Variants in NIBAN1 observed in about 807,000 individuals in gnomAD.
NIBAN1 encodes the protein niban apoptosis regulator 1, also known as protein Niban 1.
A neutral mutation model predicts 75.1 loss-of-function variants in NIBAN1; 81 were observed. The ratio of observed to expected loss-of-function variants is 1.08; its 90% CI spans 0.90 to 1.30. The LOEUF (loss-of-function observed/expected upper bound fraction) is 1.30. Ranked by LOEUF, NIBAN1 falls within the 50% of genes most tolerant of loss-of-function variation. The probability of loss-of-function intolerance (pLI) is 0.00; values close to 1 mark genes in which losing one functional copy is unlikely to be tolerated. For synonymous variants in NIBAN1, 436 were observed against 424.8 expected, an observed-to-expected ratio of 1.03 and a Z score of -0.32; for missense variants, 1,133 against 1,128.1, an observed-to-expected ratio of 1.00 and a Z score of -0.06.
At chr1:184,944,583 G>T (rs1658177634) in intron 1 of NIBAN1, among the ~76,000 whole-genome samples, 1 of 152,232 alleles carries the variant, frequency 6.6e-6, no homozygotes, top group African/African-American at 2.4e-5. Flanking sequence ...ATGTCATGAG[G>T]ACAAGAACAT....
chr1:184,928,589 C>T (rs761314655), intron 1 of NIBAN1, among the ~76,000 whole-genome samples: 1 of 152,158 alleles, frequency 6.6e-6, no homozygotes, highest in Admixed American at 6.5e-5. Context: ...TTCTTCCTGG[C>T]ATTGCTTTCC....
At position 184,974,379 on chromosome 1, in the gene NIBAN1, G is replaced by T. The variant is rs773920528; in HGVS notation, c.-23C>A. 210 of 1,546,336 alleles carry T rather than the reference G, an allele frequency of 1.4e-4. No individual in the cohort carries two copies. The highest frequency in any genetic ancestry group is 1.8e-4 in the Non-Finnish European group (204 of 1,152,190). ...CATGACCGCGAGCTGCCTGTGCTGA[G>T]CGCGGAAACTGCCCGGTCCGCGCCC... On this transcript the variant is annotated 5_prime_UTR_variant, in exon 1 of 14. Coordinates refer to ENST00000367511, the MANE Select transcript of NIBAN1 (RefSeq NM_052966.4).
chr1:184,913,476 A>G (rs967532563), intron 1 of NIBAN1, among the ~76,000 whole-genome samples: 2 of 152,206 alleles, frequency 1.3e-5, no homozygotes, highest in South Asian at 2.1e-4. Flanking sequence ...TGAAACTATT[A>G]TGGGTTAACA....
chr1:184,907,721 T>C (rs984305624), intron 1 of NIBAN1, among the ~76,000 whole-genome samples: 2 of 152,214 alleles, frequency 1.3e-5, no homozygotes, highest in East Asian at 1.9e-4. Flanking sequence ...CGGGGATAAA[T>C]TGGATTCTCC....
intron 1 of NIBAN1, among the ~76,000 whole-genome samples, chr1:184,903,439 G>A (rs533590102): frequency 6.6e-6 from 1 of 152,300 alleles, no homozygotes; most frequent in South Asian, 2.1e-4. Context: ...AATGTTGGAG[G>A]TGTGGCCTGG....
chr1:184,868,231 G>A (rs1017804370), intron 5 of NIBAN1: 1 of 197,938 alleles, frequency 5.1e-6, no homozygotes, highest in African/African-American at 2.4e-5. Flanking sequence ...ATGATTTGTG[G>A]TCTCCAAAAG....
intron 1 of NIBAN1, among the ~76,000 whole-genome samples, chr1:184,961,668 C>G (rs1658653808): frequency 6.6e-6 from 1 of 152,198 alleles, no homozygotes; most frequent in South Asian, 2.1e-4. Context: ...AACCCCAGTT[C>G]AGGGGTGAAT....
At position 184,884,668 on chromosome 1, in the gene NIBAN1, G is replaced by C; in HGVS notation, c.566C>G (p.Ala189Gly). The C allele has an allele frequency of 6.2e-7, 1 of 1,614,162 alleles. No individual in the cohort carries two copies. The highest frequency in any genetic ancestry group is 1.6e-4 in the Middle Eastern group (1 of 6,062). ...ATGCCTGACGCAGTCACTCAGGAGGGCACTAAACCTCTTCTGGTCAGCAGC... is the reference window on the plus strand; with the variant it reads ...ATGCCTGACGCAGTCACTCAGGAGGCCACTAAACCTCTTCTGGTCAGCAGC... The part of the protein sequence containing the change: ...HEAADQKRFS[A>G]LLSDCVRHLN... The change falls in exon 5 of 14, where the codon GCC (alanine) becomes GGC (glycine). Residue 189 changes from alanine to glycine, a missense_variant. By Grantham distance (60) the Ala-to-Gly change is moderately conservative. Coordinates refer to ENST00000367511, the MANE Select transcript of NIBAN1 (RefSeq NM_052966.4).
chr1:184,895,226 G>A (rs1361730596), intron 2 of NIBAN1, among the ~76,000 whole-genome samples: 1 of 152,132 alleles, frequency 6.6e-6, no homozygotes, highest in African/African-American at 2.4e-5. Flanking sequence ...TAAAAGGTAA[G>A]AGAGAATCTC....
chr1:184,944,549 G>T (rs766157599), intron 1 of NIBAN1, among the ~76,000 whole-genome samples: 3 of 152,278 alleles, frequency 2.0e-5, no homozygotes, highest in African/African-American at 4.8e-5. Context: ...ATGCAGGAAT[G>T]GACTTTGGGT....
chr1:184,823,634 T>C lies in NIBAN1; in HGVS notation c.822+4A>G, dbSNP rs1424664658. ...CTCAGTTGTAGAGCAAAACCATTGC[T>C]TACACCAAGCCACGTCCTCTTTCTG... On this transcript the variant is annotated splice_donor_region_variant and intron_variant, in intron 7 of 13. Coordinates refer to ENST00000367511, the MANE Select transcript of NIBAN1 (RefSeq NM_052966.4). The C allele has an allele frequency of 6.2e-7, 1 of 1,614,076 alleles. No individual in the cohort carries two copies. Among genetic ancestry groups the C allele is most frequent in the Non-Finnish European group, 8.5e-7 (1 of 1,179,924 alleles).
chr1:184,894,636 G>A (rs1656752242), intron 2 of NIBAN1, among the ~76,000 whole-genome samples: 2 of 152,214 alleles, frequency 1.3e-5, no homozygotes, highest in Admixed American at 6.5e-5. Flanking sequence ...AGAATTAACA[G>A]ACCGTTCCCC....
chr1:184,875,353 T>C (rs1656204189), intron 5 of NIBAN1, among the ~76,000 whole-genome samples: 1 of 152,214 alleles, frequency 6.6e-6, no homozygotes, highest in Non-Finnish European at 1.5e-5. Context: ...AGTTCTGGCT[T>C]GAGGTCTCTC....
At chr1:184,960,014 AT>A (rs1205479208) in intron 1 of NIBAN1, among the ~76,000 whole-genome samples, 2 of 151,890 alleles carry the variant, frequency 1.3e-5, no homozygotes, top group Admixed American at 1.3e-4. Flanking sequence ...TGACCCTTTA[AT>A]TTTTTTTATA....
At chr1:184,800,349 T>G (rs1343408725) in intron 12 of NIBAN1, among the ~76,000 whole-genome samples, 1 of 150,704 alleles carries the variant, frequency 6.6e-6, no homozygotes, top group Non-Finnish European at 1.5e-5. Flanking sequence ...TCTTTTGCTG[T>G]GCAGAAGCTC....
intron 6 of NIBAN1, among the ~76,000 whole-genome samples, chr1:184,830,998 C>CA (rs34893558): frequency 0.18 from 26,156 of 146,264 alleles, 5,159 homozygotes; most frequent in African/African-American, 0.49. Flanking sequence ...AGACTCCTCT[C>CA]AAAAAAAAAA....
At chr1:184,959,031 C>A (rs1452925056) in intron 1 of NIBAN1, among the ~76,000 whole-genome samples, 1 of 152,192 alleles carries the variant, frequency 6.6e-6, no homozygotes, top group Non-Finnish European at 1.5e-5. Flanking sequence ...TCTCTGAATT[C>A]TTTTTAGCTA....
chr1:184,852,437 A>G (rs1343017251), intron 5 of NIBAN1, among the ~76,000 whole-genome samples: 1 of 152,188 alleles, frequency 6.6e-6, no homozygotes, highest in East Asian at 1.9e-4. Context: ...GAATGTCCTT[A>G]TGGACAAGGA....
chr1:184,828,711 G>T (rs1397928321), intron 6 of NIBAN1, among the ~76,000 whole-genome samples: 3 of 152,168 alleles, frequency 2.0e-5, no homozygotes, highest in Admixed American at 2.0e-4. Context: ...CTTACCTGTA[G>T]GGTGCTGGAC....
Sources: allele counts gnomAD v4.1 joint callset (sites outside exome capture counted in the v4.1 genomes callset), GRCh38; gene constraint gnomAD v4.1.1; transcripts MANE v1.5; gene names NCBI Gene and HGNC (gene_info 2026-07-23, HGNC 2026-07-21).